The following CNTN5 variants were observed in gnomAD, a reference collection of about 807,000 sequenced individuals.
CNTN5 encodes the protein contactin-5.
A neutral mutation model predicts 129.1 loss-of-function variants in CNTN5; 77 were observed. The ratio of observed to expected loss-of-function variants is 0.60; its 90% confidence interval spans 0.50 to 0.72. CNTN5 has a LOEUF of 0.72. CNTN5 is among the 30% of genes least tolerant of loss of function. CNTN5 has a pLI of 0.00. For missense variants in CNTN5, 1,478 were observed against 1,328.8 expected, an observed-to-expected ratio of 1.11 and a Z score of -1.75; for synonymous variants, 509 against 465.6, an observed-to-expected ratio of 1.09 and a Z score of -1.20.
intron 2 of CNTN5, among the ~76,000 whole-genome samples, chr11:99,456,039 G>T (rs531459919): frequency 6.6e-6 from 1 of 152,236 alleles, no homozygotes; most frequent in Admixed American, 6.5e-5. Flanking sequence ...AAGGCAGAAA[G>T]TCAATACCAT....
At chr11:99,821,344 C>A (rs1946794802) in intron 4 of CNTN5, among the ~76,000 whole-genome samples, 1 of 152,148 alleles carries the variant, frequency 6.6e-6, no homozygotes, top group South Asian at 2.1e-4. Flanking sequence ...GCTGTGACAA[C>A]AATTCAAGGT....
intron 2 of CNTN5, among the ~76,000 whole-genome samples, chr11:99,453,573 G>A (rs1057232291): frequency 5.3e-5 from 8 of 152,124 alleles, no homozygotes; most frequent in Non-Finnish European, 1.0e-4. Flanking sequence ...TGCAATTATA[G>A]CCTAAACTTA....
intron 18 of CNTN5, 151 bp from the exon 19 acceptor site, chr11:100,297,474 T>G (rs1591490231): frequency 1.5e-6 from 1 of 649,408 alleles, no homozygotes; most frequent in Non-Finnish European, 2.8e-6. Context: ...CACATAGATT[T>G]GAAAGCAGGG....
intron 3 of CNTN5, among the ~76,000 whole-genome samples, chr11:99,767,090 C>G (rs1042815500): frequency 6.6e-6 from 1 of 151,982 alleles, no homozygotes; most frequent in Non-Finnish European, 1.5e-5. Context: ...TTATCTGTGC[C>G]GTGGGACAAA....
At chr11:100,025,989 G>T (rs576449498) in intron 9 of CNTN5, among the ~76,000 whole-genome samples, 1 of 152,266 alleles carries the variant, frequency 6.6e-6, no homozygotes, top group South Asian at 2.1e-4. Flanking sequence ...GACTGCTTTT[G>T]AAATGTGAAA....
chr11:99,592,804 G>A (rs1950018446), intron 3 of CNTN5, among the ~76,000 whole-genome samples: 2 of 152,166 alleles, frequency 1.3e-5, no homozygotes, highest in African/African-American at 4.8e-5. Flanking sequence ...AACTGTAGGA[G>A]GTGAGTGGGA....
chr11:99,166,945 C>A (rs1860904147), intron 1 of CNTN5, among the ~76,000 whole-genome samples: 2 of 151,986 alleles, frequency 1.3e-5, no homozygotes, highest in African/African-American at 4.8e-5. Context: ...AAAACATTAT[C>A]CACTACATTT....
chr11:99,543,333 G>C (rs551332604), intron 2 of CNTN5, among the ~76,000 whole-genome samples: 1 of 152,258 alleles, frequency 6.6e-6, no homozygotes, highest in South Asian at 2.1e-4. Flanking sequence ...CCAATTGACT[G>C]TGGTCACCTA....
chr11:99,219,488 A>G (rs1310753191), intron 1 of CNTN5, among the ~76,000 whole-genome samples: 10 of 151,794 alleles, frequency 6.6e-5, no homozygotes, highest in Admixed American at 1.3e-4. Context: ...AACCATACAG[A>G]GGCCTTAAGT....
Position 100,224,589 on chromosome 11 carries a change from C to A in CNTN5, c.1885-103C>A, listed in dbSNP as rs183447056. 1.6e-5 allele frequency: 18 copies of A among 1,115,222 alleles called. No homozygotes were observed. The Admixed American group carries it at 3.2e-4, about 20-fold the overall frequency. 69.1% of individuals were successfully genotyped at this position (1,115,222 alleles called of 1,614,324 possible). ...AATTGTTGTTAGATAAACTGTAAGG[C>A]CAAAAATGGGCCCTTTTACTGAATA... On this transcript the variant is annotated intron_variant, in intron 15 of 24. Coordinates refer to ENST00000524871, the MANE Select transcript of CNTN5 (RefSeq NM_014361.4).
rs1043752434 is a variant in CNTN5, at chr11:99,394,593, T to C, written c.-71+69109T>C. ...GGGGTATAAGTGCAGGTTTGTTACA[T>C]AGGTAAACTTTTGTTATGGGGTTTT... On this transcript the variant is annotated intron_variant, in intron 2 of 24. Transcript: ENST00000524871. Among the ~76,000 whole-genome samples the C allele has an allele frequency of 1.8e-4, 27 of 151,650 alleles. 1 individual carries two copies. The highest frequency in any genetic ancestry group is 4.4e-5 in the Non-Finnish European group (3 of 67,722).
At chr11:100,119,866 G>A (rs920230684) in intron 13 of CNTN5, among the ~76,000 whole-genome samples, 1 of 151,882 alleles carries the variant, frequency 6.6e-6, no homozygotes, top group Admixed American at 6.6e-5. Context: ...TAAACTGCCT[G>A]AATTAGGCAA....
intron 1 of CNTN5, among the ~76,000 whole-genome samples, chr11:99,111,919 C>T (rs1201410866): frequency 6.6e-6 from 1 of 151,972 alleles, no homozygotes; most frequent in Non-Finnish European, 1.5e-5. Context: ...AAAAGATTAC[C>T]AGCAAAAATA....
intron 1 of CNTN5, among the ~76,000 whole-genome samples, chr11:99,033,011 T>A (rs1863480853): frequency 7.2e-6 from 1 of 138,994 alleles, no homozygotes; most frequent in East Asian, 2.3e-4. Context: ...CCAGCACCAT[T>A]TATTAAATAG....
chr11:99,501,440 A>G (rs967163867), intron 2 of CNTN5, among the ~76,000 whole-genome samples: 14 of 152,228 alleles, frequency 9.2e-5, no homozygotes, highest in African/African-American at 2.9e-4. Flanking sequence ...TGAAATAACT[A>G]CTTCCTCTGT....
chr11:99,213,033 T>C lies in CNTN5; in HGVS notation c.-209-112313T>C, dbSNP rs553115080. Among the ~76,000 whole-genome samples the C allele has an allele frequency of 2.0e-5, 3 of 151,574 alleles. No homozygotes were observed. In the South Asian group the frequency reaches 6.2e-4, roughly 31 times the overall value. ...GGTGAAACCCCATCTCTACTAAGAA[T>C]ACAAAAAATTAGCTGGGCGTGGTGG... On this transcript the variant is annotated intron_variant, in intron 1 of 24. Transcript: ENST00000524871.
chr11:100,348,689 C>A (rs558450412), intron 23 of CNTN5, among the ~76,000 whole-genome samples: 4 of 151,934 alleles, frequency 2.6e-5, no homozygotes, highest in Non-Finnish European at 5.9e-5. Context: ...TAATTCATCA[C>A]GATGCTCCAG....
At chr11:100,094,768 G>A (rs1944932922) in intron 13 of CNTN5, among the ~76,000 whole-genome samples, 1 of 80,824 alleles carries the variant, frequency 1.2e-5, no homozygotes, top group African/African-American at 7.4e-5. Context: ...AGGGAGGAAA[G>A]GAAGGAAGGA....
intron 13 of CNTN5, among the ~76,000 whole-genome samples, chr11:100,175,019 C>T (rs1947920707): frequency 6.6e-6 from 1 of 152,028 alleles, no homozygotes; most frequent in Non-Finnish European, 1.5e-5. Context: ...TTTTACTGAT[C>T]ACGTTAAAGA....
Sources: gnomAD v4.1 joint callset for allele counts (sites outside exome capture counted in the v4.1 genomes callset) on GRCh38, gnomAD v4.1.1 for gene constraint, MANE v1.5 for transcripts, NCBI Gene and HGNC (gene_info 2026-07-23, HGNC 2026-07-21) for gene names.